WDR27: variants seen among roughly 807,000 people sequenced by gnomAD.
WDR27 encodes WD repeat domain 27.
In WDR27, 100 loss-of-function variants were observed where a neutral mutation model predicts 114.4. The observed-to-expected ratio is 0.87, with a 90% confidence interval of 0.74 to 1.03. The LOEUF (loss-of-function observed/expected upper bound fraction) is 1.03. WDR27 is among the 50% of genes least tolerant of loss of function. The pLI, the probability that WDR27 is intolerant of heterozygous loss-of-function variation, is 0.00. For missense variants in WDR27, 1,129 were observed against 1,092.9 expected (o/e 1.03, Z -0.47); for synonymous variants, 449 against 423.1 (o/e 1.06, Z -0.75).
chr6:169,429,760 G>C, the WDR27 span, among the ~76,000 whole-genome samples: 1 of 152,250 alleles, frequency 6.6e-6, no homozygotes, highest in East Asian at 1.9e-4. Flanking sequence ...TTCTGACCTG[G>C]GGTCTGAAGT....
chr6:169,648,787 C>A (rs868104744), intron 15 of WDR27, among the ~76,000 whole-genome samples: 21 of 152,228 alleles, frequency 1.4e-4, no homozygotes, highest in African/African-American at 4.8e-4. Context: ...ACAGTCAGAG[C>A]CGCAGCCAGT....
At chr6:169,505,082 A>G (rs1431924298) in intron 25 of WDR27, among the ~76,000 whole-genome samples, 1 of 152,228 alleles carries the variant, frequency 6.6e-6, no homozygotes, top group African/African-American at 2.4e-5. Flanking sequence ...CTGTGAATTA[A>G]TAAGTGATAT....
chr6:169,688,807 C>G lies in WDR27; in HGVS notation c.189+10G>C, dbSNP rs1190555142. 1 of 1,584,312 alleles carries G rather than the reference C, an allele frequency of 6.3e-7. No individual in the cohort carries two copies. Among genetic ancestry groups the G allele is most frequent in the Non-Finnish European group, 8.6e-7 (1 of 1,165,472 alleles). The stretch of plus-strand genomic sequence containing the variant: ...CCTTCATGACACTGGACATGTAACT[C>G]GTTCAATACCTGATGAGAAGGATCC... On this transcript the variant is annotated intron_variant, in intron 2 of 25. Transcript: ENST00000448612.
At chr6:169,501,097 C>T (rs1446842073) in intron 25 of WDR27, among the ~76,000 whole-genome samples, 1 of 152,244 alleles carries the variant, frequency 6.6e-6, no homozygotes, top group Non-Finnish European at 1.5e-5. Flanking sequence ...AAGACACTGT[C>T]ACTCCTGCCA....
chr6:169,553,149 A>G (rs918577967), intron 25 of WDR27, among the ~76,000 whole-genome samples: 75 of 151,516 alleles, frequency 4.9e-4, no homozygotes, highest in African/African-American at 1.8e-3. Context: ...AGACCAGAGC[A>G]CTGTGGGACA....
At chr6:169,555,276 G>A (rs184293331) in intron 25 of WDR27, among the ~76,000 whole-genome samples, 85 of 152,250 alleles carry the variant, frequency 5.6e-4, no homozygotes, top group African/African-American at 1.9e-3. Flanking sequence ...GAAGGAGGAC[G>A]AAGGGCTAAG....
chr6:169,487,490 G>A lies in WDR27; in HGVS notation c.2646-29856C>T, dbSNP rs576851882. ...GGGCTATTCAGACACTGTGGGCCTC[G>A]CTGCTCCCTGGATTACAGAGTCGAG... On this transcript the variant is annotated intron_variant, in intron 25 of 25. Transcript: ENST00000448612. Among the ~76,000 whole-genome samples the A allele has an allele frequency of 1.5e-3, 231 of 152,244 alleles. 1 individual carries two copies. The highest frequency in any genetic ancestry group is 5.4e-3 in the African/African-American group (223 of 41,550).
chr6:169,573,062 T>A (rs1801713762), intron 24 of WDR27, among the ~76,000 whole-genome samples: 2 of 152,100 alleles, frequency 1.3e-5, no homozygotes, highest in African/African-American at 4.8e-5. Flanking sequence ...GCACTCCTGC[T>A]TTCTTCCCTT....
At chr6:169,555,184 T>C (rs982139461) in intron 25 of WDR27, among the ~76,000 whole-genome samples, 3 of 152,214 alleles carry the variant, frequency 2.0e-5, no homozygotes, top group Admixed American at 6.5e-5. Flanking sequence ...CCTCTTCACA[T>C]CAGCATCTAA....
intron 25 of WDR27, among the ~76,000 whole-genome samples, chr6:169,516,389 T>C (rs1793640850): frequency 1.3e-5 from 2 of 152,230 alleles, no homozygotes; most frequent in Admixed American, 1.3e-4. Context: ...TACTGTGACC[T>C]ATCTGATGCC....
At chr6:169,429,854 C>T in the WDR27 span, among the ~76,000 whole-genome samples, 3 of 152,278 alleles carry the variant, frequency 2.0e-5, no homozygotes, top group East Asian at 5.8e-4. Flanking sequence ...CCCTGGCCTA[C>T]GAGCTGTGGG....
At chr6:169,485,729 T>C (rs1788794659) in intron 25 of WDR27, among the ~76,000 whole-genome samples, 1 of 152,186 alleles carries the variant, frequency 6.6e-6, no homozygotes. Flanking sequence ...TGCAGCACTA[T>C]TCACAATAGC....
chr6:169,656,100 C>A (rs573927472), intron 13 of WDR27, among the ~76,000 whole-genome samples: 6 of 152,102 alleles, frequency 3.9e-5, no homozygotes, highest in African/African-American at 1.4e-4. Flanking sequence ...TCAGGTGGTC[C>A]CCCAGTGTGG....
intron 25 of WDR27, among the ~76,000 whole-genome samples, chr6:169,493,107 G>T (rs1177400936): frequency 1.3e-5 from 2 of 151,874 alleles, no homozygotes; most frequent in African/African-American, 2.4e-5. Flanking sequence ...CTATTAAAAA[G>T]GTTATAAAAT....
chr6:169,493,177 T>C (rs1346420816), intron 25 of WDR27, among the ~76,000 whole-genome samples: 1 of 151,808 alleles, frequency 6.6e-6, no homozygotes, highest in African/African-American at 2.4e-5. Flanking sequence ...AAGTAAAGGG[T>C]TGGAAAAAGT....
In WDR27 at chr6:169,602,260, G is replaced by T; in HGVS notation, c.2383C>A (p.Pro795Thr). 1 of 1,565,844 alleles carries T rather than the reference G, an allele frequency of 6.4e-7. No homozygotes were observed. The highest frequency in any genetic ancestry group is 8.7e-7 in the Non-Finnish European group (1 of 1,154,020). ...CCACAAGCCGCGAATCGTCCACAAG[G>T]ACTGAAAGCGATTCCACATGGATAG... ...RGYPCGIAFS[P>T]CGRFAACGAE... Residue 795 changes from proline to threonine, a missense_variant, in exon 23 of 26, where the codon CCT becomes ACT. Physicochemically the swap from Pro to Thr is conservative, Grantham distance 38. Transcript: ENST00000448612.
intron 13 of WDR27, among the ~76,000 whole-genome samples, chr6:169,655,779 G>T (rs1824009712): frequency 6.6e-6 from 1 of 152,152 alleles, no homozygotes; most frequent in African/African-American, 2.4e-5. Flanking sequence ...GAGTGCAATG[G>T]CACGATCTCA....
intron 18 of WDR27, 100 bp downstream of exon 18, chr6:169,638,439 C>T: frequency 1.4e-6 from 2 of 1,474,062 alleles, no homozygotes; most frequent in East Asian, 2.5e-5. Flanking sequence ...TGGCTTACGT[C>T]CCTTTCCTCA....
chr6:169,609,589 C>T lies in WDR27; in HGVS notation c.2321+3970G>A, dbSNP rs538785699. ...ACAGGGCACCAAGTCCCAGGCTGCA[C>T]ACAGCTCAGGGACCCTGGGCCAACC... On this transcript the variant is annotated intron_variant, in intron 22 of 25. Coordinates refer to ENST00000448612, the MANE Select transcript of WDR27 (RefSeq NM_182552.5). 7.2e-5 allele frequency among the ~76,000 whole-genome samples: 11 copies of T among 152,326 alleles called. No individual in the cohort carries two copies. In the South Asian group the frequency reaches 1.2e-3, roughly 17 times the overall value.
Sources: gnomAD v4.1 joint callset for allele counts (sites outside exome capture counted in the v4.1 genomes callset) on GRCh38, gnomAD v4.1.1 for gene constraint, MANE v1.5 for transcripts, NCBI Gene and HGNC (gene_info 2026-07-23, HGNC 2026-07-21) for gene names.